SMIM17: variants seen among roughly 807,000 people sequenced by gnomAD.
The protein encoded by SMIM17 is small integral membrane protein 17.
A neutral mutation model predicts 12.2 loss-of-function variants in SMIM17; 10 were observed. That is an observed-to-expected ratio of 0.82 (90% CI 0.50 to 1.39). The LOEUF (loss-of-function observed/expected upper bound fraction) is 1.39. SMIM17 is among the 40% of genes most tolerant of loss of function. The pLI, the probability that SMIM17 is intolerant of heterozygous loss-of-function variation, is 0.00. For missense variants in SMIM17, 136 were observed against 118.2 expected (o/e 1.15, Z -0.70); for synonymous variants, 50 against 44.1 (o/e 1.13, Z -0.53).
chr19:56,649,417 C>A (rs190770263), intron 3 of SMIM17, among the ~76,000 whole-genome samples: 26 of 149,240 alleles, frequency 1.7e-4, no homozygotes, highest in African/African-American at 6.2e-4. Context: ...TCACAGTCAC[C>A]GAGGTAGACA....
chr19:56,655,092 T>A lies in SMIM17; in HGVS notation c.247-11T>A. ...TTCCAATATTTATCCTTTTCCTTTT[T>A]TCTGTTTCAGGGCTTTGTGGAGTGG... is the stretch of plus-strand genomic sequence containing the variant. On this transcript the variant is annotated splice_polypyrimidine_tract_variant and intron_variant, in intron 3 of 3. Coordinates refer to ENST00000598409, the MANE Select transcript of SMIM17 (RefSeq NM_001193628.2). The A allele has an allele frequency of 1.5e-6, 1 of 675,362 alleles. No individual in the cohort carries two copies. Among genetic ancestry groups the A allele is most frequent in the Non-Finnish European group, 2.7e-6 (1 of 368,472 alleles). 41.8% of individuals were successfully genotyped at this position (675,362 alleles called of 1,614,324 possible). A position where few individuals can be genotyped will look rare whatever the true frequency, so the allele number is the denominator to read the frequency against.
intron 2 of SMIM17, among the ~76,000 whole-genome samples, chr19:56,646,431 G>T (rs990635912): frequency 1.3e-5 from 2 of 152,162 alleles, no homozygotes; most frequent in Non-Finnish European, 2.9e-5. Context: ...GCAGTGTCTG[G>T]AAACATTTAG....
At chr19:56,652,871 G>A (rs1014611904) in intron 3 of SMIM17, among the ~76,000 whole-genome samples, 2 of 152,040 alleles carry the variant, frequency 1.3e-5, no homozygotes, top group Admixed American at 6.6e-5. Flanking sequence ...TACAAGTAGC[G>A]GCCAATACCC....
At chr19:56,644,000 G>C (rs2045043425) in intron 1 of SMIM17, among the ~76,000 whole-genome samples, 1 of 151,918 alleles carries the variant, frequency 6.6e-6, no homozygotes, top group African/African-American at 2.4e-5. Context: ...TGAGGCTGTG[G>C]GGTGTGAATC....
Position 56,655,356 on chromosome 19 carries a change from T to TA in SMIM17, c.*149dup, listed in dbSNP as rs1045319104. The TA allele has an allele frequency of 2.0e-6, 1 of 498,910 alleles. No individual in the cohort carries two copies. The highest frequency in any genetic ancestry group is 3.0e-5 in the East Asian group (1 of 33,534). 30.9% of individuals were successfully genotyped at this position (498,910 alleles called of 1,614,324 possible). Reference sequence around the variant, plus strand: ...TTCAAACATCCTTTGAGATGATTTTTAAAAAATTTTTGGTGTGAGTTTTCA... The same window carrying TA: ...TTCAAACATCCTTTGAGATGATTTTTAAAAAAATTTTTGGTGTGAGTTTTCA... On this transcript the variant is annotated 3_prime_UTR_variant, in exon 4 of 4. Transcript: ENST00000598409.
At chr19:56,654,259 G>A (rs983591103) in intron 3 of SMIM17, among the ~76,000 whole-genome samples, 3 of 152,312 alleles carry the variant, frequency 2.0e-5, no homozygotes, top group South Asian at 2.1e-4. Context: ...CATGCATAGT[G>A]CAGGGTTAAG....
chr19:56,646,903 T>G (rs926069858), intron 2 of SMIM17, among the ~76,000 whole-genome samples: 11 of 152,198 alleles, frequency 7.2e-5, no homozygotes, highest in African/African-American at 2.7e-4. Flanking sequence ...CTAGGCACTG[T>G]CTTTTTCCTC....
At chr19:56,643,440 C>T (rs1239469161) in intron 1 of SMIM17, among the ~76,000 whole-genome samples, 3 of 152,154 alleles carry the variant, frequency 2.0e-5, no homozygotes, top group Non-Finnish European at 2.9e-5. Context: ...TCTGTTTCTC[C>T]GCAGCGGAGG....
At chr19:56,645,002 C>T (rs898568454) in intron 1 of SMIM17, among the ~76,000 whole-genome samples, 1 of 152,188 alleles carries the variant, frequency 6.6e-6, no homozygotes, top group Non-Finnish European at 1.5e-5. Context: ...TGAGCCACCT[C>T]GCCTGGCTGA....
rs1392688109 is a variant in SMIM17 at position 56,656,820 on chromosome 19, G to A, written c.*1607G>A. Among the ~76,000 whole-genome samples, 2 of 152,148 alleles carry A rather than the reference G, an allele frequency of 1.3e-5. No homozygotes were observed. The highest frequency in any genetic ancestry group is 2.9e-5 in the Non-Finnish European group (2 of 68,030). On this transcript the variant is annotated 3_prime_UTR_variant, in exon 4 of 4. Coordinates refer to ENST00000598409, the MANE Select transcript of SMIM17 (RefSeq NM_001193628.2). ...TTACTGCACTGTGAACACAGAATGTGGCCTATAACACATCTGCTTCCAAAA... is the reference window on the plus strand; with the variant it reads ...TTACTGCACTGTGAACACAGAATGTAGCCTATAACACATCTGCTTCCAAAA...
Position 56,655,435 on chromosome 19 carries a change from T to C in SMIM17, c.*222T>C. 1 of 432,118 alleles carries C rather than the reference T, an allele frequency of 2.3e-6. No individual in the cohort carries two copies. Among genetic ancestry groups the C allele is most frequent in the South Asian group, 7.6e-5 (1 of 13,178 alleles). The allele number at this position is 432,118 out of a possible 1,614,324, so 26.8% of individuals were successfully genotyped here. ...TCATTGATTGTAAAACATTATTTTG[T>C]ATACCACGGAGAAAGAAAAGTGCTA... is the stretch of plus-strand genomic sequence containing the variant. On this transcript the variant is annotated 3_prime_UTR_variant, in exon 4 of 4. Transcript: ENST00000598409.
intron 3 of SMIM17, among the ~76,000 whole-genome samples, chr19:56,651,700 G>A (rs2045110491): frequency 6.6e-6 from 1 of 152,076 alleles, no homozygotes; most frequent in Non-Finnish European, 1.5e-5. Flanking sequence ...ATAATGATCT[G>A]CTTCCTGTTT....
intron 2 of SMIM17, among the ~76,000 whole-genome samples, 181 bp downstream of exon 2, chr19:56,646,017 A>G (rs190423251): frequency 6.6e-6 from 1 of 152,232 alleles, no homozygotes; most frequent in East Asian, 1.9e-4. Context: ...TAAAGCAACA[A>G]TCACTTATCA....
At chr19:56,654,686 T>A (rs181407533) in intron 3 of SMIM17, among the ~76,000 whole-genome samples, 13 of 152,270 alleles carry the variant, frequency 8.5e-5, no homozygotes, top group African/African-American at 3.1e-4. Flanking sequence ...GACATTACAA[T>A]ATTTGTTTGG....
rs1040692491 is a variant in SMIM17, at chr19:56,656,153, C to A, written c.*940C>A. Among the ~76,000 whole-genome samples, 1 of 151,852 alleles carries A rather than the reference C, an allele frequency of 6.6e-6. No homozygotes were observed. The highest frequency in any genetic ancestry group is 1.5e-5 in the Non-Finnish European group (1 of 67,966). On this transcript the variant is annotated 3_prime_UTR_variant, in exon 4 of 4. Transcript: ENST00000598409. ...TAGAGACGGGGTTTCACCGTGTTAG[C>A]CAGGATGGTCTCGATCTCCTGACCT...
chr19:56,653,103 C>T (rs1018518627), intron 3 of SMIM17, among the ~76,000 whole-genome samples: 5 of 152,110 alleles, frequency 3.3e-5, no homozygotes, highest in Admixed American at 6.5e-5. Flanking sequence ...CATGTACATC[C>T]GTGTAACCAA....
chr19:56,648,109 A>C (rs1054508368), intron 3 of SMIM17, among the ~76,000 whole-genome samples: 3 of 120,610 alleles, frequency 2.5e-5, no homozygotes, highest in African/African-American at 6.5e-5. Flanking sequence ...ATCCATCCCT[A>C]TACTTCATCT....
intron 3 of SMIM17, among the ~76,000 whole-genome samples, chr19:56,648,076 T>C (rs969538991): frequency 1.8e-4 from 27 of 150,148 alleles, no homozygotes; most frequent in African/African-American, 6.1e-4. Flanking sequence ...CATCCATCCA[T>C]CCATCCATCC....
chr19:56,644,182 A>G (rs559835816), intron 1 of SMIM17, among the ~76,000 whole-genome samples: 1 of 152,176 alleles, frequency 6.6e-6, no homozygotes, highest in Non-Finnish European at 1.5e-5. Context: ...ACCTAGATCC[A>G]TGATTAATTA....
Sources: gnomAD v4.1 joint callset for allele counts (sites outside exome capture counted in the v4.1 genomes callset) on GRCh38, gnomAD v4.1.1 for gene constraint, MANE v1.5 for transcripts, NCBI Gene and HGNC (gene_info 2026-07-23, HGNC 2026-07-21) for gene names.